The following PRKCA variants were observed in gnomAD, a reference collection of about 807,000 sequenced individuals.
PRKCA encodes protein kinase C alpha.
A neutral mutation model predicts 87.0 loss-of-function variants in PRKCA; 27 were observed. That is an observed-to-expected ratio of 0.31 (90% CI 0.23 to 0.43). The LOEUF is 0.43. PRKCA is among the 20% of genes least tolerant of loss of function. PRKCA has a pLI of 1.00. For synonymous variants in PRKCA, 329 were observed against 311.1 expected (o/e 1.06, Z -0.61); for missense variants, 518 against 852.3 (o/e 0.61, Z 4.88).
chr17:66,494,346 A>G (rs1474024601), intron 2 of PRKCA, among the ~76,000 whole-genome samples: 1 of 152,232 alleles, frequency 6.6e-6, no homozygotes, highest in Non-Finnish European at 1.5e-5. Flanking sequence ...ACAGTTCTAG[A>G]GGCCAGGAAG....
intron 2 of PRKCA, among the ~76,000 whole-genome samples, chr17:66,459,131 G>A (rs1166561193): frequency 2.6e-5 from 4 of 152,074 alleles, no homozygotes; most frequent in Non-Finnish European, 5.9e-5. Context: ...CTAACACTTT[G>A]GGAGATTGAG....
At chr17:66,412,020 G>GTT (rs1911840911) in intron 2 of PRKCA, among the ~76,000 whole-genome samples, 1 of 139,914 alleles carries the variant, frequency 7.1e-6, no homozygotes, top group Non-Finnish European at 1.5e-5. Flanking sequence ...TTTTTTTTGA[G>GTT]TAATGAATGG....
At chr17:66,481,574 G>A (rs1022615707) in intron 2 of PRKCA, among the ~76,000 whole-genome samples, 1 of 152,078 alleles carries the variant, frequency 6.6e-6, no homozygotes, top group Non-Finnish European at 1.5e-5. Context: ...TCTGAGGTTT[G>A]GCCAACTCCT....
chr17:66,758,484 T>C (rs1444412390), intron 13 of PRKCA, among the ~76,000 whole-genome samples: 1 of 152,234 alleles, frequency 6.6e-6, no homozygotes, highest in South Asian at 2.1e-4. Context: ...CAGTTTCTCA[T>C]CTGCACTGCC....
At chr17:66,649,849 G>A (rs1971545421) in intron 5 of PRKCA, among the ~76,000 whole-genome samples, 2 of 152,166 alleles carry the variant, frequency 1.3e-5, no homozygotes, top group African/African-American at 4.8e-5. Context: ...GCACACCCTT[G>A]GGAGGTACTG....
chr17:66,315,956 T>C (rs1432543246), intron 2 of PRKCA, among the ~76,000 whole-genome samples: 7 of 152,198 alleles, frequency 4.6e-5, no homozygotes, highest in Admixed American at 4.6e-4. Flanking sequence ...GTACATTATA[T>C]TACATCTTAG....
chr17:66,619,132 G>A (rs777779488), intron 3 of PRKCA, among the ~76,000 whole-genome samples: 6 of 152,104 alleles, frequency 3.9e-5, no homozygotes, highest in South Asian at 2.1e-4. Context: ...AGCTAGGGTC[G>A]GGAAACTAGT....
At chr17:66,443,475 A>G (rs993097490) in intron 2 of PRKCA, among the ~76,000 whole-genome samples, 1 of 152,188 alleles carries the variant, frequency 6.6e-6, no homozygotes, top group African/African-American at 2.4e-5. Flanking sequence ...GAGTGTGCCC[A>G]TGAGAGTTTA....
At position 66,337,426 on chromosome 17, in the gene PRKCA, G is replaced by C. The variant is rs375250213; in HGVS notation, c.205+31299G>C. 4.6e-5 allele frequency among the ~76,000 whole-genome samples: 7 copies of C among 152,294 alleles called. No homozygotes were observed. The East Asian group carries it at 7.7e-4, about 17-fold the overall frequency. On this transcript the variant is annotated intron_variant, in intron 2 of 16. Coordinates refer to ENST00000413366, the MANE Select transcript of PRKCA (RefSeq NM_002737.3). ...TTTTGTTTTGAGACAGTCTCACTCT[G>C]TCATGCAGGCTGGAGTACAGTGGCA...
At chr17:66,385,468 C>T (rs1910008026) in intron 2 of PRKCA, among the ~76,000 whole-genome samples, 1 of 152,184 alleles carries the variant, frequency 6.6e-6, no homozygotes, top group Non-Finnish European at 1.5e-5. Context: ...CCTTCTCCTC[C>T]AGCCAAAATA....
intron 3 of PRKCA, among the ~76,000 whole-genome samples, chr17:66,614,522 A>G (rs1324890545): frequency 6.6e-6 from 1 of 152,186 alleles, no homozygotes; most frequent in African/African-American, 2.4e-5. Context: ...ACCTGTTACC[A>G]TATCTGTGTT....
intron 2 of PRKCA, among the ~76,000 whole-genome samples, chr17:66,461,001 T>C (rs1290467921): frequency 2.0e-5 from 3 of 151,298 alleles, no homozygotes; most frequent in Non-Finnish European, 4.4e-5. Context: ...AGCCCAGGAG[T>C]TGGAGACCAG....
At chr17:66,471,990 T>A (rs1434238313) in intron 2 of PRKCA, among the ~76,000 whole-genome samples, 2 of 152,200 alleles carry the variant, frequency 1.3e-5, no homozygotes, top group African/African-American at 4.8e-5. Context: ...AGGACATGGT[T>A]TCGCTGTGTT....
intron 8 of PRKCA, among the ~76,000 whole-genome samples, chr17:66,704,096 A>G (rs577510328): frequency 2.0e-5 from 3 of 152,128 alleles, no homozygotes; most frequent in South Asian, 2.1e-4. Context: ...ATCGTTGACC[A>G]AAATGTCATT....
chr17:66,583,451 A>C (rs1969504056), intron 3 of PRKCA, among the ~76,000 whole-genome samples: 2 of 152,232 alleles, frequency 1.3e-5, no homozygotes, highest in Non-Finnish European at 2.9e-5. Flanking sequence ...TATTCCTTTG[A>C]GAATTAAAGT....
chr17:66,765,595 A>G (rs1193940587), intron 13 of PRKCA, among the ~76,000 whole-genome samples: 1 of 148,938 alleles, frequency 6.7e-6, no homozygotes, highest in Admixed American at 6.7e-5. Flanking sequence ...CATTTTTTAT[A>G]CTAAGTCTTC....
intron 3 of PRKCA, among the ~76,000 whole-genome samples, chr17:66,629,721 C>A (rs1469667351): frequency 6.6e-6 from 1 of 152,016 alleles, no homozygotes; most frequent in Non-Finnish European, 1.5e-5. Flanking sequence ...GAGGATAGAT[C>A]AGTGGTTGTC....
At chr17:66,518,672 A>C (rs1421722123) in intron 3 of PRKCA, among the ~76,000 whole-genome samples, 1 of 152,204 alleles carries the variant, frequency 6.6e-6, no homozygotes, top group African/African-American at 2.4e-5. Context: ...TTAGACATTT[A>C]AAAATAGTCA....
At chr17:66,542,545 G>A (rs762042160) in intron 3 of PRKCA, among the ~76,000 whole-genome samples, 14 of 152,202 alleles carry the variant, frequency 9.2e-5, no homozygotes, top group South Asian at 2.1e-4. Flanking sequence ...TAAGACTTGG[G>A]TGAGGAGACA....
Sources: gnomAD v4.1 joint callset for allele counts (sites outside exome capture counted in the v4.1 genomes callset) on GRCh38, gnomAD v4.1.1 for gene constraint, MANE v1.5 for transcripts, NCBI Gene and HGNC (gene_info 2026-07-23, HGNC 2026-07-21) for gene names.